The following PCLO variants were observed in gnomAD, a reference collection of about 807,000 sequenced individuals.
The protein encoded by PCLO is piccolo presynaptic cytomatrix protein.
PCLO carries 82 observed loss-of-function variants against 427.5 expected under a neutral mutation model. The ratio of observed to expected loss-of-function variants is 0.19; its 90% CI spans 0.16 to 0.23. PCLO has a LOEUF of 0.23. Among genes scored for constraint, PCLO ranks in the 10% least tolerant of loss-of-function variants. PCLO has a pLI of 1.00. For missense variants in PCLO, 6,239 were observed against 6,115.9 expected (o/e 1.02, Z -0.67); for synonymous variants, 2,357 against 2,155.4 (o/e 1.09, Z -2.59).
At chr7:83,127,306 CA>C (rs1172337146) in intron 3 of PCLO, among the ~76,000 whole-genome samples, 1 of 150,552 alleles carries the variant, frequency 6.6e-6, no homozygotes, top group Non-Finnish European at 1.5e-5. Context: ...ATATTTGTTT[CA>C]AAATAAATAA....
intron 3 of PCLO, among the ~76,000 whole-genome samples, chr7:82,992,580 C>A (rs1796402347): frequency 6.6e-6 from 1 of 151,880 alleles, no homozygotes; most frequent in African/African-American, 2.4e-5. Flanking sequence ...CATCACACAC[C>A]AGGGCCTGTC....
In PCLO at chr7:83,134,885, C is replaced by A; in HGVS notation, c.2665G>T (p.Val889Phe). 6.2e-7 allele frequency: 1 copy of A among 1,603,062 alleles called. No individual in the cohort carries two copies. Among genetic ancestry groups the A allele is most frequent in the Middle Eastern group, 1.7e-4 (1 of 5,970 alleles). ...PGPRPTAGQTVPTPQQSPKPQ... is the reference protein window; with the variant it reads ...PGPRPTAGQTFPTPQQSPKPQ... ...TTTGGGGACTGTTGAGGTGTGGGGACAGTTTGGCCAGCGGTAGGTCGTGGG... is the reference window on the plus strand; with the variant it reads ...TTTGGGGACTGTTGAGGTGTGGGGAAAGTTTGGCCAGCGGTAGGTCGTGGG... The change falls in exon 3 of 25, where the codon GTC (valine) becomes TTC (phenylalanine). Residue 889 changes from valine to phenylalanine, a missense_variant. Physicochemically the swap from Val to Phe is conservative, Grantham distance 50. Transcript: ENST00000333891.
chr7:82,827,656 T>G (rs1452801961), intron 17 of PCLO, among the ~76,000 whole-genome samples: 1 of 152,154 alleles, frequency 6.6e-6, no homozygotes, highest in Non-Finnish European at 1.5e-5. Flanking sequence ...TTTATTTGTT[T>G]ATGTTTTGGC....
intron 2 of PCLO, among the ~76,000 whole-genome samples, chr7:83,144,824 A>C (rs2116649497): frequency 6.6e-6 from 1 of 152,310 alleles, no homozygotes; most frequent in South Asian, 2.1e-4. Context: ...CAATTACAGA[A>C]CATGTTCACA....
intron 3 of PCLO, among the ~76,000 whole-genome samples, chr7:82,998,132 T>C (rs1013406098): frequency 3.9e-5 from 6 of 151,914 alleles, no homozygotes; most frequent in African/African-American, 1.2e-4. Flanking sequence ...AAACCAGTAC[T>C]GGGGCTGGAA....
chr7:82,963,078 AGCAATATG>A (rs1795688310), intron 4 of PCLO, among the ~76,000 whole-genome samples: 1 of 152,078 alleles, frequency 6.6e-6, no homozygotes, highest in Non-Finnish European at 1.5e-5. Context: ...ACTAGTTGTC[AGCAATATG>A]CTGGGTATTA....
chr7:82,819,084 T>C (rs185951282), intron 20 of PCLO, among the ~76,000 whole-genome samples: 253 of 152,302 alleles, frequency 1.7e-3, no homozygotes, highest in Non-Finnish European at 1.1e-3. Context: ...CTATAGTATG[T>C]TTGCCTGAAG....
At chr7:82,877,800 G>A (rs1793409297) in intron 10 of PCLO, among the ~76,000 whole-genome samples, 1 of 152,034 alleles carries the variant, frequency 6.6e-6, no homozygotes, top group South Asian at 2.1e-4. Context: ...CGAATAGCTG[G>A]GATTACAGGC....
At chr7:83,083,713 C>A (rs972809252) in intron 3 of PCLO, among the ~76,000 whole-genome samples, 1 of 152,026 alleles carries the variant, frequency 6.6e-6, no homozygotes, top group African/African-American at 2.4e-5. Context: ...CCTAAGTCTA[C>A]ATGTAGAAAA....
chr7:83,051,108 T>C (rs1386382100), intron 3 of PCLO, among the ~76,000 whole-genome samples: 1 of 152,044 alleles, frequency 6.6e-6, no homozygotes, highest in East Asian at 1.9e-4. Flanking sequence ...GCTAACACCA[T>C]AATTAATGGT....
At chr7:82,901,260 G>A (rs1209758405) in intron 9 of PCLO, among the ~76,000 whole-genome samples, 1 of 151,588 alleles carries the variant, frequency 6.6e-6, no homozygotes, top group African/African-American at 2.4e-5. Context: ...CTCAAAACAC[G>A]ATTTTTGATA....
At chr7:83,075,223 G>A (rs1183715715) in intron 3 of PCLO, among the ~76,000 whole-genome samples, 1 of 152,084 alleles carries the variant, frequency 6.6e-6, no homozygotes, top group African/African-American at 2.4e-5. Context: ...AAGTAGTATC[G>A]AGACATTTTA....
At chr7:82,858,004 A>C (rs1478269391) in intron 10 of PCLO, among the ~76,000 whole-genome samples, 1 of 152,156 alleles carries the variant, frequency 6.6e-6, no homozygotes, top group African/African-American at 2.4e-5. Context: ...CCAAGGCCAG[A>C]CAAGGATGCT....
intron 13 of PCLO, among the ~76,000 whole-genome samples, chr7:82,844,192 C>T (rs1792441443): frequency 6.6e-6 from 1 of 151,880 alleles, no homozygotes; most frequent in Non-Finnish European, 1.5e-5. Context: ...TTTTAGTTGG[C>T]TAGTTTATGA....
intron 3 of PCLO, among the ~76,000 whole-genome samples, chr7:83,065,000 T>C (rs1789631668): frequency 6.6e-6 from 1 of 151,074 alleles, no homozygotes; most frequent in Non-Finnish European, 1.5e-5. Flanking sequence ...TTTCCTTCAC[T>C]GGAATCGTTT....
At chr7:83,112,873 A>G (rs1193909206) in intron 3 of PCLO, among the ~76,000 whole-genome samples, 1 of 152,166 alleles carries the variant, frequency 6.6e-6, no homozygotes, top group African/African-American at 2.4e-5. Context: ...AACTATAGAA[A>G]ATAATCTGAA....
At chr7:82,946,555 C>A (rs1049856352) in intron 6 of PCLO, among the ~76,000 whole-genome samples, 1 of 152,054 alleles carries the variant, frequency 6.6e-6, no homozygotes, top group Non-Finnish European at 1.5e-5. Flanking sequence ...GAGCAGAAAT[C>A]TGTATGTAGG....
chr7:82,859,769 C>A (rs749063029), intron 10 of PCLO, among the ~76,000 whole-genome samples: 1 of 152,038 alleles, frequency 6.6e-6, no homozygotes, highest in South Asian at 2.1e-4. Flanking sequence ...AGATATGTGA[C>A]CTTTTAGACA....
At chr7:82,783,273 G>A (rs908905745) in intron 22 of PCLO, among the ~76,000 whole-genome samples, 18 of 152,162 alleles carry the variant, frequency 1.2e-4, no homozygotes, top group Non-Finnish European at 1.5e-5. Flanking sequence ...TCTTACCAGT[G>A]AAAATACTGC....
Sources: gnomAD v4.1 joint callset for allele counts (sites outside exome capture counted in the v4.1 genomes callset) on GRCh38, gnomAD v4.1.1 for gene constraint, MANE v1.5 for transcripts, NCBI Gene and HGNC (gene_info 2026-07-23, HGNC 2026-07-21) for gene names.